Variants in GPHN observed in about 807,000 individuals in gnomAD.
The protein encoded by GPHN is gephyrin.
In GPHN, 17 loss-of-function variants were observed where a neutral mutation model predicts 95.5. The observed-to-expected ratio is 0.18, with a 90% CI of 0.12 to 0.27. The LOEUF is 0.27. Ranked by LOEUF, GPHN falls within the 10% of genes least tolerant of loss-of-function variation. GPHN has a pLI of 1.00. For missense variants in GPHN, 660 were observed against 978.1 expected (o/e 0.67, Z 4.34); for synonymous variants, 320 against 322.5 (o/e 0.99, Z 0.08).
chr14:67,157,719 T>C (rs548849211), intron 18 of GPHN, among the ~76,000 whole-genome samples: 4 of 152,066 alleles, frequency 2.6e-5, no homozygotes, highest in African/African-American at 9.6e-5. Flanking sequence ...ACCCAGCTAC[T>C]TGGGAGGCTG....
At chr14:67,691,379 T>C in the GPHN span, 1 of 625,646 alleles carries the variant, frequency 1.6e-6, no homozygotes, top group South Asian at 2.0e-5. Flanking sequence ...TCATATTTAT[T>C]TTCTATTGTT....
At chr14:67,174,483 A>G (rs553744506) in intron 21 of GPHN, among the ~76,000 whole-genome samples, 1 of 152,212 alleles carries the variant, frequency 6.6e-6, no homozygotes, top group East Asian at 1.9e-4. Context: ...TCTATTATTG[A>G]TGGACATTTG....
intron 1 of GPHN, among the ~76,000 whole-genome samples, chr14:66,550,140 A>C (rs150685721): frequency 2.6e-5 from 4 of 152,228 alleles, no homozygotes; most frequent in African/African-American, 9.6e-5. Flanking sequence ...TTGAAAGGCT[A>C]TATAGCTACC....
At chr14:67,357,192 G>A in the GPHN span, among the ~76,000 whole-genome samples, 1 of 152,174 alleles carries the variant, frequency 6.6e-6, no homozygotes, top group South Asian at 2.1e-4. Flanking sequence ...ACGAAAGTGG[G>A]TGAAAGTAAC....
chr14:66,604,265 C>CA (rs1258983583), intron 1 of GPHN, among the ~76,000 whole-genome samples: 3 of 152,072 alleles, frequency 2.0e-5, no homozygotes, highest in Non-Finnish European at 4.4e-5. Flanking sequence ...ACATCTACAG[C>CA]AGGAATGTAT....
chr14:67,599,690 A>C, the GPHN span, among the ~76,000 whole-genome samples: 2 of 152,198 alleles, frequency 1.3e-5, no homozygotes, highest in African/African-American at 4.8e-5. Flanking sequence ...AACTCTTGGA[A>C]TTAAATTACT....
chr14:66,629,038 C>T (rs1254307014), intron 1 of GPHN, among the ~76,000 whole-genome samples: 1 of 146,136 alleles, frequency 6.8e-6, no homozygotes, highest in Admixed American at 7.0e-5. Flanking sequence ...GCACTCCATC[C>T]AGCCTGGGAG....
At chr14:67,277,756 C>A in the GPHN span, among the ~76,000 whole-genome samples, 1 of 152,044 alleles carries the variant, frequency 6.6e-6, no homozygotes, top group African/African-American at 2.4e-5. Context: ...AAAATAGAAT[C>A]AAGTTAATAC....
intron 1 of GPHN, among the ~76,000 whole-genome samples, chr14:66,552,699 A>C (rs1185713968): frequency 6.6e-6 from 1 of 152,098 alleles, no homozygotes; most frequent in Non-Finnish European, 1.5e-5. Context: ...ATGAATATAA[A>C]ATTCTAGGTC....
chr14:66,721,583 C>T (rs1358352971), intron 2 of GPHN, among the ~76,000 whole-genome samples: 1 of 152,138 alleles, frequency 6.6e-6, no homozygotes, highest in Non-Finnish European at 1.5e-5. Flanking sequence ...AGGCAAGAGA[C>T]AAATCCTTTG....
chr14:66,626,346 T>C (rs941557978), intron 1 of GPHN, among the ~76,000 whole-genome samples: 5 of 152,172 alleles, frequency 3.3e-5, no homozygotes, highest in African/African-American at 7.2e-5. Context: ...TGATGTTTTA[T>C]TTGAAGCCAT....
chr14:67,541,553 T>C, the GPHN span, among the ~76,000 whole-genome samples: 5 of 152,352 alleles, frequency 3.3e-5, 1 homozygote, highest in African/African-American at 1.2e-4. Flanking sequence ...AAATGAGCCC[T>C]ACTTTTCACT....
intron 1 of GPHN, among the ~76,000 whole-genome samples, chr14:66,606,281 TG>T (rs2062530707): frequency 6.6e-6 from 1 of 152,174 alleles, no homozygotes; most frequent in Non-Finnish European, 1.5e-5. Context: ...TTGTTGACTT[TG>T]TTGAAAATCA....
the GPHN span, chr14:67,199,496 T>C: frequency 1.2e-6 from 2 of 1,613,230 alleles, no homozygotes; most frequent in Non-Finnish European, 1.7e-6. Context: ...AGGTTATGCC[T>C]TTATTAATTT....
chr14:66,998,709 G>T (rs1279419660), intron 9 of GPHN, among the ~76,000 whole-genome samples: 1 of 151,566 alleles, frequency 6.6e-6, no homozygotes, highest in African/African-American at 2.4e-5. Flanking sequence ...GTAGCACATT[G>T]GTTTACCAAT....
At chr14:67,485,546 A>C in the GPHN span, among the ~76,000 whole-genome samples, 4 of 152,140 alleles carry the variant, frequency 2.6e-5, no homozygotes, top group African/African-American at 9.7e-5. Flanking sequence ...ACTCCAAAAA[A>C]AGCTTGTCTG....
chr14:66,853,049 C>T (rs1285794707), intron 4 of GPHN, among the ~76,000 whole-genome samples: 20 of 152,166 alleles, frequency 1.3e-4, no homozygotes, highest in Admixed American at 1.3e-3. Flanking sequence ...GTCTGTCCTC[C>T]ACAAATGAAG....
intron 1 of GPHN, among the ~76,000 whole-genome samples, chr14:66,538,629 A>T (rs888164193): frequency 5.9e-5 from 9 of 151,438 alleles, no homozygotes; most frequent in Non-Finnish European, 1.3e-4. Context: ...TTTGTTGATT[A>T]TCTCCATCCT....
In GPHN at chr14:66,508,536, C is replaced by T. The variant is rs2057883967; in HGVS notation, c.9C>T (p.Thr3=). 6.2e-7 allele frequency: 1 copy of T among 1,614,028 alleles called. No individual in the cohort carries two copies. The highest frequency in any genetic ancestry group is 1.6e-4 in the Middle Eastern group (1 of 6,062). MA[T]EGMILTNHDH... ...TGACTGCGCTGGGAAACATGGCGAC[C>T]GAGGGAATGATCCTTACTAACCACG... Residue 3 remains threonine (T), a synonymous_variant, in exon 1 of 23, where the codon ACC becomes ACT. Transcript: ENST00000478722.
Sources: gnomAD v4.1 joint callset for allele counts (sites outside exome capture counted in the v4.1 genomes callset) on GRCh38, gnomAD v4.1.1 for gene constraint, MANE v1.5 for transcripts, NCBI Gene and HGNC (gene_info 2026-07-23, HGNC 2026-07-21) for gene names.